The following GLMN variants were observed in gnomAD, a reference collection of about 807,000 sequenced individuals.
The protein encoded by GLMN is glomulin, FKBP associated protein.
Under a neutral mutation model 87.8 loss-of-function variants are expected in GLMN, and 75 were observed. The ratio of observed to expected loss-of-function variants is 0.85; its 90% CI spans 0.71 to 1.04. The LOEUF (loss-of-function observed/expected upper bound fraction) is 1.04. Ranked by LOEUF, GLMN falls within the 50% of genes least tolerant of loss-of-function variation. The pLI, the probability that GLMN is intolerant of heterozygous loss-of-function variation, is 0.00. For synonymous variants in GLMN, 206 were observed against 221.6 expected, an observed-to-expected ratio of 0.93 and a Z score of 0.63; for missense variants, 588 against 658.8, an observed-to-expected ratio of 0.89 and a Z score of 1.18.
intron 7 of GLMN, among the ~76,000 whole-genome samples, chr1:92,280,339 G>C (rs973562436): frequency 1.3e-5 from 2 of 152,140 alleles, no homozygotes; most frequent in Non-Finnish European, 2.9e-5. Flanking sequence ...GTCTGGAGTG[G>C]ACCTCTAGCA....
upstream of GLMN, among the ~76,000 whole-genome samples, chr1:92,302,711 C>T (rs937413708): frequency 6.8e-6 from 1 of 147,680 alleles, no homozygotes; most frequent in African/African-American, 2.5e-5. Context: ...ACGCCATTCT[C>T]CTGCCTCAGC....
In GLMN at chr1:92,290,298, A is replaced by G. The variant is rs1482011531; in HGVS notation, c.294T>C (p.Asn98=). Residue 98 remains asparagine (N), a synonymous_variant, in exon 5 of 19, where the codon AAT becomes AAC. Transcript: ENST00000370360. Reference sequence around the variant, plus strand: ...GCAAACCCAACAATAATTCCTTTGGATTGCATAACTATAAAAATATTCACA... The same window carrying G: ...GCAAACCCAACAATAATTCCTTTGGGTTGCATAACTATAAAAATATTCACA... ...LIFDLLVKLC[N]PKELLLGLLE... The G allele has an allele frequency of 4.5e-6, 7 of 1,567,238 alleles. No homozygotes were observed. In the Admixed American group the frequency reaches 1.2e-4, roughly 26 times the overall value.
chr1:92,308,897 T>G, the GLMN span, among the ~76,000 whole-genome samples: 1 of 151,402 alleles, frequency 6.6e-6, no homozygotes, highest in African/African-American at 2.4e-5. Context: ...GAGGCGGAGG[T>G]TGCAGTGAGC....
At chr1:92,252,593 A>AT (rs1180576353) in intron 16 of GLMN, among the ~76,000 whole-genome samples, 1 of 152,230 alleles carries the variant, frequency 6.6e-6, no homozygotes, top group Non-Finnish European at 1.5e-5. Flanking sequence ...TCTGTTCAGC[A>AT]TAATTCCACA....
chr1:92,330,157 G>C, the GLMN span, among the ~76,000 whole-genome samples: 1 of 152,186 alleles, frequency 6.6e-6, no homozygotes, highest in Non-Finnish European at 1.5e-5. Context: ...CAGAGAGCAA[G>C]GAAGCCCATT....
At chr1:92,357,220 A>C in the GLMN span, among the ~76,000 whole-genome samples, 4 of 152,190 alleles carry the variant, frequency 2.6e-5, no homozygotes, top group African/African-American at 9.7e-5. Flanking sequence ...AACACTTTAC[A>C]GCCTACTGGA....
the GLMN span, among the ~76,000 whole-genome samples, chr1:92,360,708 T>G: frequency 6.6e-6 from 1 of 152,184 alleles, no homozygotes; most frequent in African/African-American, 2.4e-5. Context: ...GCCTTAAATG[T>G]CAGTGTTATT....
At chr1:92,297,243 C>T (rs1249496543) in intron 3 of GLMN, among the ~76,000 whole-genome samples, 161 bp downstream of exon 3, 6 of 151,118 alleles carry the variant, frequency 4.0e-5, no homozygotes, top group East Asian at 1.9e-4. Flanking sequence ...TGAGCCACTG[C>T]GCCTGGCCTA....
the GLMN span, among the ~76,000 whole-genome samples, chr1:92,322,616 T>A: frequency 6.7e-6 from 1 of 150,344 alleles, no homozygotes; most frequent in Non-Finnish European, 1.5e-5. Context: ...GGCTCACCCC[T>A]GTAATTCCAG....
At chr1:92,361,348 A>G in the GLMN span, among the ~76,000 whole-genome samples, 1 of 152,166 alleles carries the variant, frequency 6.6e-6, no homozygotes, top group Non-Finnish European at 1.5e-5. Context: ...CCTAGTGCCA[A>G]GCACTTACTC....
At chr1:92,369,147 C>T in the GLMN span, among the ~76,000 whole-genome samples, 1 of 152,162 alleles carries the variant, frequency 6.6e-6, no homozygotes, top group Non-Finnish European at 1.5e-5. Flanking sequence ...TTACTTACAG[C>T]CAATCACATT....
upstream of GLMN, among the ~76,000 whole-genome samples, chr1:92,303,019 C>T (rs1489730967): frequency 7.9e-5 from 12 of 152,018 alleles, no homozygotes; most frequent in Non-Finnish European, 1.5e-4. Context: ...GACAACACAG[C>T]GAGACCCTGT....
chr1:92,356,705 G>C, the GLMN span, among the ~76,000 whole-genome samples: 1 of 151,412 alleles, frequency 6.6e-6, no homozygotes, highest in African/African-American at 2.4e-5. Context: ...GAAGTGCTGG[G>C]ATTACAGGCA....
At chr1:92,320,934 A>G in the GLMN span, among the ~76,000 whole-genome samples, 1 of 152,264 alleles carries the variant, frequency 6.6e-6, no homozygotes, top group Non-Finnish European at 1.5e-5. Flanking sequence ...TTTGTCAACT[A>G]GATTGTGCCT....
chr1:92,299,067 C>CT (rs769320478), upstream of GLMN: 7 of 1,491,020 alleles, frequency 4.7e-6, no homozygotes, highest in South Asian at 2.6e-5. Context: ...GCAGACTACT[C>CT]TCCCCCATGG....
At chr1:92,251,699 T>C (rs1002044766) in intron 16 of GLMN, among the ~76,000 whole-genome samples, 3 of 152,180 alleles carry the variant, frequency 2.0e-5, no homozygotes, top group Admixed American at 2.0e-4. Flanking sequence ...CATGAAAAAC[T>C]TTCCTCTTGT....
At chr1:92,301,571 A>G, upstream of GLMN, 2 of 1,500,122 alleles carry the variant, frequency 1.3e-6, no homozygotes, top group Non-Finnish European at 1.8e-6. Context: ...AATATTACAG[A>G]AGAGTTCCTA....
At chr1:92,281,689 G>A (rs1280404070) in intron 7 of GLMN, among the ~76,000 whole-genome samples, 1 of 151,964 alleles carries the variant, frequency 6.6e-6, no homozygotes, top group Admixed American at 6.6e-5. Context: ...TGAATAAAGA[G>A]TCAAAACCCA....
At chr1:92,292,346 G>A (rs1404801783) in intron 3 of GLMN, among the ~76,000 whole-genome samples, 1 of 152,134 alleles carries the variant, frequency 6.6e-6, no homozygotes, top group Non-Finnish European at 1.5e-5. Context: ...GAGCCCAGGA[G>A]TTTGAGACCA....
Sources: gnomAD v4.1 joint callset for allele counts (sites outside exome capture counted in the v4.1 genomes callset) on GRCh38, gnomAD v4.1.1 for gene constraint, MANE v1.5 for transcripts, NCBI Gene and HGNC (gene_info 2026-07-23, HGNC 2026-07-21) for gene names.